The following NOL4L variants were observed in gnomAD, a reference collection of about 807,000 sequenced individuals.
The protein encoded by NOL4L is nucleolar protein 4 like, also known as nucleolar protein 4-like.
NOL4L carries 7 observed loss-of-function variants against 64.5 expected under a neutral mutation model. That is an observed-to-expected ratio of 0.11 (90% CI 0.06 to 0.20). The LOEUF (loss-of-function observed/expected upper bound fraction) is 0.20. NOL4L is among the 10% of genes least tolerant of loss of function. The pLI is 1.00. For synonymous variants in NOL4L, 413 were observed against 401.0 expected, an observed-to-expected ratio of 1.03 and a Z score of -0.36; for missense variants, 680 against 967.1, an observed-to-expected ratio of 0.70 and a Z score of 3.94.
intron 5 of NOL4L, among the ~76,000 whole-genome samples, chr20:32,468,491 C>G (rs1021815279): frequency 6.6e-6 from 1 of 152,134 alleles, no homozygotes; most frequent in Non-Finnish European, 1.5e-5. Flanking sequence ...ACTCAGTGGC[C>G]GTTGGTTGAG....
intron 1 of NOL4L, among the ~76,000 whole-genome samples, chr20:32,530,684 G>T (rs1228370463): frequency 2.0e-5 from 3 of 152,144 alleles, no homozygotes; most frequent in Non-Finnish European, 4.4e-5. Context: ...CACTTTGGGA[G>T]GCCCAGGCAG....
intron 4 of NOL4L, among the ~76,000 whole-genome samples, chr20:32,478,252 C>CACAA (rs1010004347): frequency 7.9e-6 from 1 of 126,544 alleles, no homozygotes; most frequent in Non-Finnish European, 1.7e-5. Flanking sequence ...TACACACACA[C>CACAA]ACACACACAC....
Position 32,447,215 on chromosome 20 carries a change from T to C in NOL4L, c.*381A>G. 2.1e-6 allele frequency: 1 copy of C among 483,088 alleles called. No individual in the cohort carries two copies. Among genetic ancestry groups the C allele is most frequent in the South Asian group, 1.6e-5 (1 of 64,444 alleles). The allele number at this position is 483,088 out of a possible 1,614,324, so 29.9% of individuals were successfully genotyped here. On this transcript the variant is annotated 3_prime_UTR_variant, in exon 11 of 11. Transcript: ENST00000621426. ...GGTCCACTTTGCTTTTCTCAATAAATATGCAATTCTGCTCACCTAAGACTT... is the reference window on the plus strand; with the variant it reads ...GGTCCACTTTGCTTTTCTCAATAAACATGCAATTCTGCTCACCTAAGACTT...
At chr20:32,481,289 G>A (rs1345327780) in intron 4 of NOL4L, among the ~76,000 whole-genome samples, 1 of 152,148 alleles carries the variant, frequency 6.6e-6, no homozygotes, top group Non-Finnish European at 1.5e-5. Flanking sequence ...CTCAGACCCT[G>A]CCATTAATGG....
At chr20:32,510,511 G>A (rs2017351188) in intron 4 of NOL4L, 1 of 160,374 alleles carries the variant, frequency 6.2e-6, no homozygotes, top group African/African-American at 2.4e-5. Context: ...CCCAGGGCTG[G>A]AGACCGGCAG....
At chr20:32,451,839 T>G in intron 10 of NOL4L, 1 of 158,978 alleles carries the variant, frequency 6.3e-6, no homozygotes, top group East Asian at 1.8e-4. Context: ...TCAGTCGCTA[T>G]GGGTGAGACA....
intron 4 of NOL4L, among the ~76,000 whole-genome samples, chr20:32,504,799 T>C (rs1237255258): frequency 5.3e-5 from 8 of 152,076 alleles, no homozygotes; most frequent in Non-Finnish European, 1.5e-5. Flanking sequence ...TGGAGTTTCC[T>C]CATGTTGGCC....
At chr20:32,538,895 T>C (rs534228295) in intron 1 of NOL4L, among the ~76,000 whole-genome samples, 1 of 152,306 alleles carries the variant, frequency 6.6e-6, no homozygotes, top group African/African-American at 2.4e-5. Context: ...CCTTCTGACA[T>C]ACACTGAGTA....
rs1406974863 is a variant in NOL4L, at chr20:32,467,419, G to T, written c.841+7182C>A. Among the ~76,000 whole-genome samples the T allele has an allele frequency of 3.3e-5, 5 of 152,146 alleles. No individual in the cohort carries two copies. In the East Asian group the frequency reaches 9.6e-4, roughly 29 times the overall value. On this transcript the variant is annotated intron_variant, in intron 5 of 10. Coordinates refer to ENST00000621426, the MANE Select transcript of NOL4L (RefSeq NM_001256798.2). ...TCTGGTTGACACCAAGGACCCCCTA[G>T]CCCGGCTCCCTTTACGAAGAAGCAC...
At position 32,443,903 on chromosome 20, in the gene NOL4L, C is replaced by T. The variant is rs2012228719; in HGVS notation, c.*3693G>A. On this transcript the variant is annotated 3_prime_UTR_variant, in exon 11 of 11. Coordinates refer to ENST00000621426, the MANE Select transcript of NOL4L (RefSeq NM_001256798.2). Reference sequence around the variant, plus strand: ...TTCTGACTCCTGCTCCTAAATGGACCACATAATTGAGGCATATGGGCCATC... The same window carrying T: ...TTCTGACTCCTGCTCCTAAATGGACTACATAATTGAGGCATATGGGCCATC... 1 of 152,216 alleles carries T rather than the reference C, an allele frequency of 6.6e-6. No individual in the cohort carries two copies. Among genetic ancestry groups the T allele is most frequent in the Non-Finnish European group, 1.5e-5 (1 of 68,058 alleles). 9.4% of individuals were successfully genotyped at this position (152,216 alleles called of 1,614,324 possible).
Position 32,514,992 on chromosome 20 carries a change from G to A in NOL4L, c.590-3536C>T, listed in dbSNP as rs375951817. On this transcript the variant is annotated intron_variant, in intron 3 of 10. Transcript: ENST00000621426. ...GTCTAGGTTTGGGAGGCACGGAGGC[G>A]GGGAGCTGTGTTCTTCTACTGATGG... 4.3e-4 allele frequency among the ~76,000 whole-genome samples: 66 copies of A among 152,278 alleles called. 1 individual carries two copies. The East Asian group carries it at 4.8e-3, about 11-fold the overall frequency.
intron 1 of NOL4L, among the ~76,000 whole-genome samples, chr20:32,535,188 T>C (rs1289773950): frequency 6.6e-6 from 1 of 151,514 alleles, no homozygotes; most frequent in East Asian, 1.9e-4. Context: ...ATCAGGTGAT[T>C]GAAGAGAGGG....
intron 1 of NOL4L, among the ~76,000 whole-genome samples, chr20:32,567,983 G>A (rs573130256): frequency 4.1e-4 from 62 of 149,908 alleles, no homozygotes; most frequent in Non-Finnish European, 1.9e-4. Context: ...CACCATCATC[G>A]TCACCATCAT....
intron 1 of NOL4L, among the ~76,000 whole-genome samples, chr20:32,539,977 C>T (rs1280411570): frequency 6.6e-6 from 1 of 152,220 alleles, no homozygotes; most frequent in Non-Finnish European, 1.5e-5. Flanking sequence ...TTCCTGCCAC[C>T]CAAAAGCCAC....
chr20:32,454,993 G>A (rs928934784), intron 6 of NOL4L, among the ~76,000 whole-genome samples: 9 of 152,194 alleles, frequency 5.9e-5, no homozygotes, highest in South Asian at 2.1e-4. Flanking sequence ...CTGTCTCTTC[G>A]TCCACATACA....
chr20:32,449,234 C>G (rs1568587143), intron 10 of NOL4L, among the ~76,000 whole-genome samples: 1 of 152,254 alleles, frequency 6.6e-6, no homozygotes, highest in Non-Finnish European at 1.5e-5. Flanking sequence ...TGCCCTCCCC[C>G]TGGAGTCCCT....
chr20:32,511,095 T>A, intron 4 of NOL4L: 13 of 304,080 alleles, frequency 4.3e-5, no homozygotes, highest in East Asian at 1.2e-4. Flanking sequence ...CTCCCCCTCC[T>A]CCCACGAGCC....
At chr20:32,493,679 G>A (rs1184984807) in intron 4 of NOL4L, among the ~76,000 whole-genome samples, 1 of 152,188 alleles carries the variant, frequency 6.6e-6, no homozygotes, top group African/African-American at 2.4e-5. Flanking sequence ...ATGGTACTAC[G>A]AAAACTAAGT....
Position 32,524,652 on chromosome 20 carries a change from G to A in NOL4L, c.477+3106C>T, listed in dbSNP as rs148794052. Among the ~76,000 whole-genome samples, 549 of 152,274 alleles carry A rather than the reference G, an allele frequency of 3.6e-3. 5 individuals carry two copies. The highest frequency in any genetic ancestry group is 0.012 in the African/African-American group (500 of 41,554). On this transcript the variant is annotated intron_variant, in intron 2 of 10. Transcript: ENST00000621426. ...AAGTCCTCAGCCAGGAGCTTGATGC[G>A]TACCCCGTGATGCCAGGCTGTGCCC...
Sources: gnomAD v4.1 joint callset for allele counts (sites outside exome capture counted in the v4.1 genomes callset) on GRCh38, gnomAD v4.1.1 for gene constraint, MANE v1.5 for transcripts, NCBI Gene and HGNC (gene_info 2026-07-23, HGNC 2026-07-21) for gene names.